PHACTR4: variants seen among roughly 807,000 people sequenced by gnomAD.
PHACTR4 encodes protein phosphatase 1, regulatory subunit 124.
Under a neutral mutation model 72.7 loss-of-function variants are expected in PHACTR4, and 51 were observed. The observed-to-expected ratio is 0.70, with a 90% CI of 0.56 to 0.89. PHACTR4 has a LOEUF of 0.89. Ranked by LOEUF, PHACTR4 falls within the 40% of genes least tolerant of loss-of-function variation. The probability of loss-of-function intolerance (pLI) is 0.00; values close to 1 mark genes in which losing one functional copy is unlikely to be tolerated. For synonymous variants in PHACTR4, 255 were observed against 302.5 expected (o/e 0.84, Z 1.63); for missense variants, 731 against 861.8 (o/e 0.85, Z 1.90).
chr1:28,476,023 C>G (rs1334862967), intron 7 of PHACTR4, 84 bp from the exon 8 acceptor site: 1 of 1,333,386 alleles, frequency 7.5e-7, no homozygotes, highest in African/African-American at 1.5e-5. Context: ...CCACCACGCC[C>G]AGTCTTTATT....
intron 1 of PHACTR4, among the ~76,000 whole-genome samples, chr1:28,383,594 TTG>T (rs143142267): frequency 6.6e-6 from 1 of 151,612 alleles, no homozygotes; most frequent in Non-Finnish European, 1.5e-5. Flanking sequence ...TCCTAGGTAT[TTG>T]TGTGTGTGTG....
chr1:28,438,405 C>G, intron 2 of PHACTR4: 1 of 1,612,862 alleles, frequency 6.2e-7, no homozygotes. Context: ...CTGATGTCTC[C>G]AGACCGGTAA....
intron 2 of PHACTR4, chr1:28,438,250 T>C: frequency 2.1e-6 from 3 of 1,440,274 alleles, no homozygotes; most frequent in Non-Finnish European, 9.1e-7. Context: ...ACTGACCTTA[T>C]GCCATTTCCT....
At chr1:28,433,929 C>T (rs1029654318) in intron 2 of PHACTR4, among the ~76,000 whole-genome samples, 10 of 150,810 alleles carry the variant, frequency 6.6e-5, no homozygotes, top group Admixed American at 2.0e-4. Context: ...TACAGGCTCC[C>T]GCCACCACGC....
intron 1 of PHACTR4, among the ~76,000 whole-genome samples, chr1:28,385,727 T>C (rs1652515029): frequency 6.6e-6 from 1 of 150,792 alleles, no homozygotes; most frequent in Non-Finnish European, 1.5e-5. Context: ...GCGATTCTCA[T>C]GCCTTAGCCT....
intron 4 of PHACTR4, among the ~76,000 whole-genome samples, chr1:28,464,848 C>T (rs961249071): frequency 1.3e-4 from 19 of 151,886 alleles, no homozygotes; most frequent in African/African-American, 3.4e-4. Flanking sequence ...GGATTACAGG[C>T]GCTTGCTACC....
At chr1:28,476,397 A>G (rs1430826873) in intron 8 of PHACTR4, 106 bp downstream of exon 8, 5 of 1,169,176 alleles carry the variant, frequency 4.3e-6, no homozygotes, top group Non-Finnish European at 2.3e-6. Context: ...ACCTTCTCCC[A>G]TTAAGTCATC....
chr1:28,388,749 C>G (rs1353260138), intron 1 of PHACTR4, among the ~76,000 whole-genome samples: 1 of 152,050 alleles, frequency 6.6e-6, no homozygotes, highest in Non-Finnish European at 1.5e-5. Context: ...ACTTGGGAGG[C>G]TGAGATAGGA....
At chr1:28,429,031 G>C (rs1295415615) in intron 2 of PHACTR4, among the ~76,000 whole-genome samples, 1 of 152,184 alleles carries the variant, frequency 6.6e-6, no homozygotes, top group Admixed American at 6.5e-5. Flanking sequence ...AGGCAAGGGA[G>C]GGAACAAGAG....
At chr1:28,474,939 T>A (rs1659828668) in intron 7 of PHACTR4, among the ~76,000 whole-genome samples, 1 of 151,184 alleles carries the variant, frequency 6.6e-6, no homozygotes, top group Non-Finnish European at 1.5e-5. Flanking sequence ...AAAACTTTAT[T>A]TTTATTTATT....
intron 3 of PHACTR4, 145 bp from the exon 4 acceptor site, chr1:28,460,067 T>A (rs772292626): frequency 4.0e-6 from 2 of 503,926 alleles, no homozygotes; most frequent in Non-Finnish European, 7.1e-6. Context: ...GAGTTTTAAT[T>A]TGAAGTTAGT....
intron 1 of PHACTR4, among the ~76,000 whole-genome samples, chr1:28,389,786 C>T (rs570214074): frequency 2.0e-5 from 3 of 152,146 alleles, no homozygotes; most frequent in East Asian, 1.9e-4. Context: ...CTGTACACTA[C>T]TGTTCTATGG....
chr1:28,406,338 T>C (rs1250442804), intron 1 of PHACTR4, among the ~76,000 whole-genome samples: 1 of 152,116 alleles, frequency 6.6e-6, no homozygotes, highest in East Asian at 1.9e-4. Context: ...CTACAAAATT[T>C]ATGAATAAGT....
At position 28,459,254 on chromosome 1, in the gene PHACTR4, A is replaced by C. The variant is rs775713039; in HGVS notation, c.186A>C (p.Ser62=). 3.1e-6 allele frequency: 5 copies of C among 1,612,264 alleles called. No homozygotes were observed. Among genetic ancestry groups the C allele is most frequent in the Middle Eastern group, 1.7e-4 (1 of 5,938 alleles). ...KKSSDKFKET[S]EVLERKISMR... ...GTAGTGATAAATTTAAAGAGACTTC[A>C]GAAGGTGAGATATTAAGGGTTAAAT... The change falls in exon 3 of 14, where the codon TCA becomes TCC. Residue 62 remains serine (S), a synonymous_variant. Coordinates refer to ENST00000373839, the MANE Select transcript of PHACTR4 (RefSeq NM_001048183.3).
At chr1:28,483,123 G>C (rs1372943371) in intron 9 of PHACTR4, among the ~76,000 whole-genome samples, 1 of 151,932 alleles carries the variant, frequency 6.6e-6, no homozygotes, top group Non-Finnish European at 1.5e-5. Flanking sequence ...AAGGGAGAAG[G>C]CTGGGCACGG....
intron 1 of PHACTR4, among the ~76,000 whole-genome samples, chr1:28,376,247 A>C (rs1206529027): frequency 1.3e-5 from 2 of 150,734 alleles, no homozygotes; most frequent in Non-Finnish European, 3.0e-5. Context: ...TAGGAGGTGG[A>C]GGTTGCAATG....
intron 2 of PHACTR4, among the ~76,000 whole-genome samples, chr1:28,453,354 GAATTGCTCTTA>G (rs1271851653): frequency 1.3e-5 from 2 of 152,094 alleles, no homozygotes; most frequent in East Asian, 3.8e-4. Context: ...AATGATACTG[GAATTGCTCTTA>G]AGAAGCAGAG....
At chr1:28,393,881 TTTC>T (rs1415799836) in intron 1 of PHACTR4, among the ~76,000 whole-genome samples, 1 of 151,966 alleles carries the variant, frequency 6.6e-6, no homozygotes, top group Non-Finnish European at 1.5e-5. Context: ...ACTTTTTTTT[TTTC>T]TTCTTCCCTG....
At chr1:28,410,099 TGG>T (rs981941460) in intron 2 of PHACTR4, among the ~76,000 whole-genome samples, 1 of 151,766 alleles carries the variant, frequency 6.6e-6, no homozygotes, top group Non-Finnish European at 1.5e-5. Context: ...CCCGAGTAGC[TGG>T]GACTACAGGC....
Sources: gnomAD v4.1 joint callset for allele counts (sites outside exome capture counted in the v4.1 genomes callset) on GRCh38, gnomAD v4.1.1 for gene constraint, MANE v1.5 for transcripts, NCBI Gene and HGNC (gene_info 2026-07-23, HGNC 2026-07-21) for gene names.